Variants in DDX11 observed in about 807,000 individuals in gnomAD.
DDX11 encodes the protein DEAD/H-box helicase 11.
A neutral mutation model predicts 125.2 loss-of-function variants in DDX11; 72 were observed. The ratio of observed to expected loss-of-function variants is 0.58; its 90% CI spans 0.48 to 0.70. The LOEUF (loss-of-function observed/expected upper bound fraction) is 0.70. Ranked by LOEUF, DDX11 falls within the 30% of genes least tolerant of loss-of-function variation. The pLI is 0.00. For missense variants in DDX11, 883 were observed against 1,165.0 expected (o/e 0.76, Z 3.52); for synonymous variants, 347 against 452.6 (o/e 0.77, Z 2.96).
chr12:31,099,726 T>A (rs1173160237), intron 18 of DDX11, among the ~76,000 whole-genome samples: 1 of 152,160 alleles, frequency 6.6e-6, no homozygotes, highest in South Asian at 2.1e-4. Context: ...AGAATTTGCT[T>A]TTTTCTTTTC....
intron 17 of DDX11, among the ~76,000 whole-genome samples, chr12:31,097,447 A>T (rs1172168795): frequency 6.8e-6 from 1 of 148,148 alleles, no homozygotes; most frequent in Non-Finnish European, 1.5e-5. Context: ...TGGGAGGCTG[A>T]GGGGGGGCGG....
rs567511283 is a variant in DDX11 at position 31,093,254 on chromosome 12, G to A, written c.1299G>A (p.Leu433=). The change falls in exon 12 of 27, where the codon TTG becomes TTA. Residue 433 remains leucine, a synonymous_variant. Coordinates refer to ENST00000542838, the MANE Select transcript of DDX11 (RefSeq NM_030653.4). ...LQYVERYGKR[L]KAKNLMYLKQ... ...GTTGGCTTCTTCTCAGGAAGCGTTTGAAGGCCAAGAACCTGATGTACCTGA... is the reference window on the plus strand; with the variant it reads ...GTTGGCTTCTTCTCAGGAAGCGTTTAAAGGCCAAGAACCTGATGTACCTGA... 481 of 1,613,128 alleles carry A rather than the reference G, an allele frequency of 3.0e-4. 3 individuals carry two copies. In the African/African-American group the frequency reaches 5.8e-3, roughly 20 times the overall value.
chr12:31,075,235 T>G (rs1333055562), intron 1 of DDX11, among the ~76,000 whole-genome samples: 4 of 151,206 alleles, frequency 2.6e-5, no homozygotes, highest in Non-Finnish European at 5.9e-5. Flanking sequence ...CTCTATGATT[T>G]AGCCTGTGCT....
rs564768695 is a variant in DDX11, at chr12:31,079,161, A to C, written c.144+624A>C. On this transcript the variant is annotated intron_variant, in intron 2 of 26. Coordinates refer to ENST00000542838, the MANE Select transcript of DDX11 (RefSeq NM_030653.4). ...CTGAGTGAACCAGTGTGTTATGATT[A>C]TGTTTTGAACATAATTTTGTCTTGA... Among the ~76,000 whole-genome samples the C allele has an allele frequency of 6.2e-4, 94 of 152,276 alleles. 1 individual carries two copies. The highest frequency in any genetic ancestry group is 1.0e-3 in the Non-Finnish European group (69 of 68,022).
At position 31,078,603 on chromosome 12, in the gene DDX11, T is replaced by G. The variant is rs1186536716; in HGVS notation, c.144+66T>G. ...ACAGCAGCCGTACTAGCTTTTCCTG[T>G]TTGCCTATCCAGAGATTTTCATAGT... On this transcript the variant is annotated intron_variant, in intron 2 of 26. Coordinates refer to ENST00000542838, the MANE Select transcript of DDX11 (RefSeq NM_030653.4). 8.7e-6 allele frequency: 14 copies of G among 1,610,906 alleles called. No homozygotes were observed. The Admixed American group carries it at 2.3e-4, about 27-fold the overall frequency.
intron 4 of DDX11, 111 bp downstream of exon 4, chr12:31,084,780 C>A (rs1338993040): frequency 1.8e-6 from 2 of 1,092,268 alleles, no homozygotes; most frequent in African/African-American, 1.6e-5. Context: ...CCCTCACTGG[C>A]TATGTGCTCC....
In DDX11 at chr12:31,089,168, A is replaced by G; in HGVS notation, c.792+17A>G. ...TCCCGGCAGGTAAACAGTAGCCAGTATTTCCACCAGGGGCCATCCTGCTCC... is the reference window on the plus strand; with the variant it reads ...TCCCGGCAGGTAAACAGTAGCCAGTGTTTCCACCAGGGGCCATCCTGCTCC... On this transcript the variant is annotated intron_variant, in intron 7 of 26. Coordinates refer to ENST00000542838, the MANE Select transcript of DDX11 (RefSeq NM_030653.4). The G allele has an allele frequency of 1.2e-6, 2 of 1,604,484 alleles. No homozygotes were observed. The highest frequency in any genetic ancestry group is 1.7e-6 in the Non-Finnish European group (2 of 1,171,262).
At chr12:31,091,988 A>G in intron 10 of DDX11, 117 bp downstream of exon 10, 1 of 1,455,160 alleles carries the variant, frequency 6.9e-7, no homozygotes, top group Admixed American at 1.8e-5. Context: ...TAGAGGGTGC[A>G]CGAGTCAAGG....
chr12:31,087,811 C>G, intron 5 of DDX11, 127 bp from the exon 6 acceptor site: 1 of 1,480,546 alleles, frequency 6.8e-7, no homozygotes, highest in South Asian at 1.2e-5. Context: ...CGAGCAGCAC[C>G]TGCTACCTTG....
rs756194287 is a variant in DDX11 at position 31,102,312 on chromosome 12, G to T, written c.2271+1G>T. 4.3e-6 allele frequency: 7 copies of T among 1,614,118 alleles called. No individual in the cohort carries two copies. Among genetic ancestry groups the T allele is most frequent in the Admixed American group, 1.7e-5 (1 of 60,034 alleles). ...GCTGGCATATTCCAGGTGCATCCAG[G>T]TGCGGGCGTCATGCTGGGCTTGGGT... On this transcript the variant is annotated splice_donor_variant, in intron 22 of 26. Coordinates refer to ENST00000542838, the MANE Select transcript of DDX11 (RefSeq NM_030653.4). LOFTEE classifies it high-confidence loss of function.
chr12:31,084,733 T>C, intron 4 of DDX11, 64 bp downstream of exon 4: 3 of 1,472,788 alleles, frequency 2.0e-6, no homozygotes, highest in Non-Finnish European at 2.8e-6. Context: ...TGGAGGCTCA[T>C]GGGTGCGTGG....
intron 8 of DDX11, 23 bp downstream of exon 8, chr12:31,089,513 A>T: frequency 6.2e-7 from 1 of 1,603,566 alleles, no homozygotes; most frequent in Non-Finnish European, 8.5e-7. Context: ...ACCATGGTGT[A>T]GCCGCAGGTG....
chr12:31,102,229 T>C lies in DDX11; in HGVS notation c.2203-14T>C. 6.2e-7 allele frequency: 1 copy of C among 1,612,890 alleles called. No individual in the cohort carries two copies. Among genetic ancestry groups the C allele is most frequent in the Non-Finnish European group, 8.5e-7 (1 of 1,178,866 alleles). Reference sequence around the variant, plus strand: ...CTGAACCTGTCTCTGGGAAATGTCCTCTGTCTTTCTCAGATATTCCAGGAA... The same window carrying C: ...CTGAACCTGTCTCTGGGAAATGTCCCCTGTCTTTCTCAGATATTCCAGGAA... On this transcript the variant is annotated splice_polypyrimidine_tract_variant and intron_variant, in intron 21 of 26. Transcript: ENST00000542838.
At chr12:31,095,740 C>T (rs904195716) in intron 14 of DDX11, among the ~76,000 whole-genome samples, 10 of 152,244 alleles carry the variant, frequency 6.6e-5, no homozygotes, top group African/African-American at 2.4e-4. Flanking sequence ...GGTGCAGGCA[C>T]TCCTTCTCTC....
chr12:31,089,327 G>A (rs1204331133), intron 7 of DDX11, 76 bp from the exon 8 acceptor site: 15 of 1,531,840 alleles, frequency 9.8e-6, no homozygotes, highest in Admixed American at 3.4e-5. Flanking sequence ...AGGTGGCGGG[G>A]CAGGTCCACG....
Position 31,096,758 on chromosome 12 carries a change from G to C in DDX11, c.1630+13G>C. On this transcript the variant is annotated intron_variant, in intron 16 of 26. Coordinates refer to ENST00000542838, the MANE Select transcript of DDX11 (RefSeq NM_030653.4). ...AGGACGACTGAAGGTGAGGCAGGAGGGTGGGCAGGCAGAGCCGGCTGCACG... is the reference window on the plus strand; with the variant it reads ...AGGACGACTGAAGGTGAGGCAGGAGCGTGGGCAGGCAGAGCCGGCTGCACG... 1.2e-6 allele frequency: 2 copies of C among 1,614,194 alleles called. No homozygotes were observed. The highest frequency in any genetic ancestry group is 1.7e-6 in the Non-Finnish European group (2 of 1,180,028).
chr12:31,077,670 A>G (rs1205769997), intron 1 of DDX11, among the ~76,000 whole-genome samples: 1 of 151,360 alleles, frequency 6.6e-6, no homozygotes, highest in African/African-American at 2.4e-5. Context: ...ACACGGTGAA[A>G]CCCCGTCTCT....
chr12:31,103,526 G>A, intron 25 of DDX11, 51 bp from the exon 26 acceptor site: 1 of 1,613,494 alleles, frequency 6.2e-7, no homozygotes, highest in Non-Finnish European at 8.5e-7. Flanking sequence ...GGAATGTGCT[G>A]TAGGGGGGAG....
chr12:31,083,972 G>A lies in DDX11; in HGVS notation c.304G>A (p.Ala102Thr), dbSNP rs1351018918. ...LCLSSSCEGA[A>T]GTPRPAGEPA... Reference sequence around the variant, plus strand: ...TCTGTCTTCTTCCTGCGAAGGGGCTGCAGGCACCCCGAGGCCTGCTGGAGA... The same window carrying A: ...TCTGTCTTCTTCCTGCGAAGGGGCTACAGGCACCCCGAGGCCTGCTGGAGA... Residue 102 changes from alanine to threonine, a missense_variant, in exon 3 of 27, where the codon GCA becomes ACA. Around this residue, in one of 5 missense-constraint regions of DDX11, gnomAD observed 283 missense variants for 359.6 expected, o/e 0.79. Coordinates refer to ENST00000542838, the MANE Select transcript of DDX11 (RefSeq NM_030653.4). 12 of 1,613,862 alleles carry A rather than the reference G, an allele frequency of 7.4e-6. No individual in the cohort carries two copies. Among genetic ancestry groups the A allele is most frequent in the Admixed American group, 1.7e-5 (1 of 60,006 alleles).
Sources: gnomAD v4.1 joint callset for allele counts (sites outside exome capture counted in the v4.1 genomes callset) on GRCh38, gnomAD v4.1.1 for gene constraint, gnomAD v4.1.1 regional missense constraint, MANE v1.5 for transcripts, NCBI Gene and HGNC (gene_info 2026-07-23, HGNC 2026-07-21) for gene names.